Variants in TRAPPC11 observed in about 807,000 individuals in gnomAD.
TRAPPC11 encodes foie gras homolog.
A neutral mutation model predicts 151.2 loss-of-function variants in TRAPPC11; 104 were observed. The ratio of observed to expected loss-of-function variants is 0.69; its 90% CI spans 0.59 to 0.81. The LOEUF is 0.81. TRAPPC11 is among the 30% of genes least tolerant of loss of function. The pLI is 0.00. For missense variants in TRAPPC11, 1,230 were observed against 1,349.6 expected (o/e 0.91, Z 1.39); for synonymous variants, 456 against 472.3 (o/e 0.97, Z 0.45).
intron 15 of TRAPPC11, 87 bp downstream of exon 15, chr4:183,684,928 TC>T: frequency 7.3e-7 from 1 of 1,361,144 alleles, no homozygotes; most frequent in Non-Finnish European, 1.0e-6. Flanking sequence ...AATAATTTAG[TC>T]CCAGATAATT....
At chr4:183,686,323 G>A (rs1269623616) in intron 17 of TRAPPC11, among the ~76,000 whole-genome samples, 2 of 152,166 alleles carry the variant, frequency 1.3e-5, no homozygotes, top group Non-Finnish European at 2.9e-5. Flanking sequence ...TTTTAGTATA[G>A]ATAAGGTTTC....
chr4:183,663,804 T>C, intron 1 of TRAPPC11, 43 bp from the exon 2 acceptor site: 1 of 1,310,108 alleles, frequency 7.6e-7, no homozygotes. Context: ...TGAATATGAG[T>C]TTTTAAAAAT....
intron 10 of TRAPPC11, among the ~76,000 whole-genome samples, chr4:183,682,142 A>G (rs2111355806): frequency 6.6e-6 from 1 of 152,354 alleles, no homozygotes; most frequent in South Asian, 2.1e-4. Context: ...AAGAATGATA[A>G]CATACATTCT....
intron 21 of TRAPPC11, 56 bp from the exon 22 acceptor site, chr4:183,693,861 T>C: frequency 6.2e-7 from 1 of 1,602,998 alleles, no homozygotes. Context: ...ACAGTATTGA[T>C]TATTGGGATA....
At chr4:183,702,832 A>G (rs1397213974) in intron 26 of TRAPPC11, among the ~76,000 whole-genome samples, 1 of 152,176 alleles carries the variant, frequency 6.6e-6, no homozygotes, top group Admixed American at 6.5e-5. Flanking sequence ...AGGGAATAAA[A>G]TGTATTACTT....
chr4:183,712,344 A>G (rs1737375478), intron 29 of TRAPPC11, among the ~76,000 whole-genome samples: 1 of 152,244 alleles, frequency 6.6e-6, no homozygotes, highest in Non-Finnish European at 1.5e-5. Flanking sequence ...GTGGAAGTGC[A>G]GAGTCAGCTG....
intron 1 of TRAPPC11, among the ~76,000 whole-genome samples, chr4:183,662,329 C>T (rs1275371570): frequency 1.5e-5 from 2 of 134,278 alleles, no homozygotes; most frequent in Non-Finnish European, 3.0e-5. Context: ...GCACTCCAGC[C>T]TGGTGACAGA....
chr4:183,697,863 A>G (rs753337288), intron 25 of TRAPPC11, 28 bp downstream of exon 25: 1 of 1,602,214 alleles, frequency 6.2e-7, no homozygotes, highest in Non-Finnish European at 8.5e-7. Context: ...CCACTTAAAG[A>G]CCAGGAGAAT....
At chr4:183,665,193 C>T (rs867664489) in intron 2 of TRAPPC11, among the ~76,000 whole-genome samples, 46 of 140,108 alleles carry the variant, frequency 3.3e-4, no homozygotes, top group African/African-American at 1.2e-3. Context: ...CTCCTGGGTT[C>T]GTGCCATTCT....
intron 1 of TRAPPC11, among the ~76,000 whole-genome samples, chr4:183,660,944 C>T (rs573438860): frequency 3.3e-5 from 5 of 151,994 alleles, no homozygotes; most frequent in Non-Finnish European, 5.9e-5. Flanking sequence ...GAACCGTTGA[C>T]CTCGTGAATC....
chr4:183,672,319 C>T (rs1735193945), intron 5 of TRAPPC11, among the ~76,000 whole-genome samples: 1 of 152,050 alleles, frequency 6.6e-6, no homozygotes, highest in South Asian at 2.1e-4. Context: ...TAGTTTAAAT[C>T]ACTAAATGGG....
intron 25 of TRAPPC11, among the ~76,000 whole-genome samples, chr4:183,699,338 T>C (rs945005033): frequency 6.6e-6 from 1 of 152,310 alleles, no homozygotes; most frequent in East Asian, 1.9e-4. Context: ...CTAAGTACTC[T>C]TCCTTCTTTA....
chr4:183,692,918 C>T, intron 19 of TRAPPC11, 42 bp from the exon 20 acceptor site: 2 of 1,558,664 alleles, frequency 1.3e-6, no homozygotes, highest in South Asian at 2.4e-5. Flanking sequence ...GTGACAAGCA[C>T]ATATGAGATG....
intron 19 of TRAPPC11, among the ~76,000 whole-genome samples, chr4:183,692,080 C>A (rs1174297283): frequency 2.0e-5 from 3 of 152,118 alleles, no homozygotes; most frequent in African/African-American, 7.2e-5. Context: ...TGGGCAGTTA[C>A]TTAGCTTCTT....
intron 5 of TRAPPC11, among the ~76,000 whole-genome samples, chr4:183,669,142 A>G (rs181071703): frequency 1.3e-5 from 2 of 152,356 alleles, no homozygotes; most frequent in East Asian, 3.9e-4. Flanking sequence ...GCAATTAGCA[A>G]AATAAATCTT....
At chr4:183,702,130 G>T (rs1206449180) in intron 26 of TRAPPC11, among the ~76,000 whole-genome samples, 1 of 152,112 alleles carries the variant, frequency 6.6e-6, no homozygotes, top group Non-Finnish European at 1.5e-5. Context: ...GATCGCTGGA[G>T]CTCAGGAGTT....
chr4:183,666,509 C>CTACA (rs2111302137), intron 3 of TRAPPC11, 83 bp downstream of exon 3: 1 of 1,389,778 alleles, frequency 7.2e-7, no homozygotes, highest in Admixed American at 2.1e-5. Flanking sequence ...AATGGAGTAC[C>CTACA]GTTCAGACTG....
At chr4:183,707,090 C>A in intron 28 of TRAPPC11, 150 bp downstream of exon 28, 1 of 885,554 alleles carries the variant, frequency 1.1e-6, no homozygotes, top group Non-Finnish European at 1.6e-6. Flanking sequence ...ACCTTAAGTA[C>A]AGCTGCCTAT....
Position 183,663,338 on chromosome 4 carries a change from A to T in TRAPPC11, c.-21-509A>T, listed in dbSNP as rs530816138. ...AACCTCCACCTCCCGGGTTCACGCC[A>T]TTCTCCTGCCTCAGCCTCCTGAGTA... is the stretch of plus-strand genomic sequence containing the variant. On this transcript the variant is annotated intron_variant, in intron 1 of 29. Transcript: ENST00000334690. Among the ~76,000 whole-genome samples, 3 of 152,270 alleles carry T rather than the reference A, an allele frequency of 2.0e-5. No homozygotes were observed. The East Asian group carries it at 5.8e-4, about 29-fold the overall frequency.
Sources: gnomAD v4.1 joint callset for allele counts (sites outside exome capture counted in the v4.1 genomes callset) on GRCh38, gnomAD v4.1.1 for gene constraint, MANE v1.5 for transcripts, NCBI Gene and HGNC (gene_info 2026-07-23, HGNC 2026-07-21) for gene names.